Variants in LRRC4C observed in about 807,000 individuals in gnomAD.
LRRC4C encodes leucine-rich repeat-containing protein 4C.
A neutral mutation model predicts 33.6 loss-of-function variants in LRRC4C; 5 were observed. The observed-to-expected ratio is 0.15, with a 90% CI of 0.08 to 0.31. LRRC4C has a LOEUF of 0.31. LRRC4C is among the 10% of genes least tolerant of loss of function. The pLI, the probability that LRRC4C is intolerant of heterozygous loss-of-function variation, is 1.00. For synonymous variants in LRRC4C, 329 were observed against 302.0 expected (o/e 1.09, Z -0.93); for missense variants, 560 against 796.7 (o/e 0.70, Z 3.58).
intron 1 of LRRC4C, among the ~76,000 whole-genome samples, chr11:41,146,599 G>A (rs756792935): frequency 2.6e-5 from 4 of 152,122 alleles, no homozygotes; most frequent in African/African-American, 4.8e-5. Context: ...CATCTAATTA[G>A]GACCTGATCT....
At chr11:40,929,602 C>T (rs898342993) in intron 2 of LRRC4C, among the ~76,000 whole-genome samples, 1 of 152,036 alleles carries the variant, frequency 6.6e-6, no homozygotes, top group Non-Finnish European at 1.5e-5. Flanking sequence ...TTATTCAATT[C>T]TTTTTTATTT....
intron 2 of LRRC4C, among the ~76,000 whole-genome samples, chr11:40,802,280 C>T (rs536603032): frequency 6.6e-6 from 1 of 152,110 alleles, no homozygotes; most frequent in East Asian, 1.9e-4. Context: ...GGTTTCAGTG[C>T]TTTCAAGGAA....
chr11:40,629,425 A>G (rs1963262530), intron 3 of LRRC4C, among the ~76,000 whole-genome samples: 1 of 152,258 alleles, frequency 6.6e-6, no homozygotes, highest in Admixed American at 6.5e-5. Context: ...GGCTTTCTCA[A>G]TTCTAGGTAT....
chr11:40,266,845 A>T (rs1328364584), intron 4 of LRRC4C, among the ~76,000 whole-genome samples: 1 of 152,152 alleles, frequency 6.6e-6, no homozygotes, highest in African/African-American at 2.4e-5. Context: ...TGTCTCTAAT[A>T]TTCATGTTCG....
intron 2 of LRRC4C, among the ~76,000 whole-genome samples, chr11:40,708,731 G>C (rs920323769): frequency 6.6e-6 from 1 of 152,086 alleles, no homozygotes; most frequent in Admixed American, 6.6e-5. Context: ...GGTCTGCTTG[G>C]TGTAGAGCTG....
At chr11:40,612,394 T>C (rs528997696) in intron 3 of LRRC4C, among the ~76,000 whole-genome samples, 90 of 151,628 alleles carry the variant, frequency 5.9e-4, no homozygotes, top group Non-Finnish European at 1.1e-3. Flanking sequence ...GATAAAGAGG[T>C]AATGAGGAGG....
intron 3 of LRRC4C, among the ~76,000 whole-genome samples, chr11:40,577,302 C>T (rs962584212): frequency 2.0e-5 from 3 of 152,090 alleles, no homozygotes; most frequent in Admixed American, 6.5e-5. Flanking sequence ...CTACAAATAC[C>T]CTCTGCACTT....
At chr11:41,396,143 A>C in intron 1 of LRRC4C, among the ~76,000 whole-genome samples, 1 of 151,592 alleles carries the variant, frequency 6.6e-6, no homozygotes, top group African/African-American at 2.4e-5. Context: ...AAAAGATTGG[A>C]CCCCCCGTTG....
At chr11:40,820,155 T>C (rs1218745051) in intron 2 of LRRC4C, among the ~76,000 whole-genome samples, 11 of 151,906 alleles carry the variant, frequency 7.2e-5, no homozygotes, top group Admixed American at 7.2e-4. Flanking sequence ...GGGATCGAAA[T>C]AGAAAAATAG....
At chr11:40,787,516 C>T (rs1339620458) in intron 2 of LRRC4C, among the ~76,000 whole-genome samples, 1 of 152,166 alleles carries the variant, frequency 6.6e-6, no homozygotes, top group Non-Finnish European at 1.5e-5. Context: ...TAGTTTCCTC[C>T]TTTGAGAGCT....
At chr11:40,424,477 T>C (rs4755548) in intron 3 of LRRC4C, among the ~76,000 whole-genome samples, 1 of 152,030 alleles carries the variant, frequency 6.6e-6, no homozygotes, top group Non-Finnish European at 1.5e-5. Context: ...TCTTACAGAT[T>C]CCTTTACAGT....
intron 3 of LRRC4C, among the ~76,000 whole-genome samples, chr11:40,624,285 G>T (rs1962730090): frequency 6.6e-6 from 1 of 152,098 alleles, no homozygotes; most frequent in South Asian, 2.1e-4. Context: ...ACTTGGTTAT[G>T]AAGTTGCTTC....
At chr11:40,327,913 T>C (rs1384442769) in intron 3 of LRRC4C, among the ~76,000 whole-genome samples, 1 of 152,088 alleles carries the variant, frequency 6.6e-6, no homozygotes, top group African/African-American at 2.4e-5. Context: ...AAAAATTTCA[T>C]TTATGCTTCC....
At chr11:40,456,944 C>T (rs899685681) in intron 3 of LRRC4C, among the ~76,000 whole-genome samples, 1 of 151,544 alleles carries the variant, frequency 6.6e-6, no homozygotes, top group Non-Finnish European at 1.5e-5. Flanking sequence ...ACTTGAATGG[C>T]TTAAAATTCT....
rs1302853358 is a variant in LRRC4C at position 40,665,807 on chromosome 11, C to T, written c.-406-17529G>A. On this transcript the variant is annotated intron_variant, in intron 2 of 6. Coordinates refer to ENST00000528697, the MANE Select transcript of LRRC4C (RefSeq NM_001258419.2). ...TAATTTTTCAAAGTGCTAATAACTG[C>T]CCCTTATTAGATTAGCCAGTCAATT... Among the ~76,000 whole-genome samples the T allele has an allele frequency of 3.9e-5, 6 of 151,980 alleles. No individual in the cohort carries two copies. In the East Asian group the frequency reaches 1.2e-3, roughly 29 times the overall value.
At chr11:40,154,278 G>A (rs1374925469) in intron 5 of LRRC4C, among the ~76,000 whole-genome samples, 1 of 86,498 alleles carries the variant, frequency 1.2e-5, no homozygotes. Flanking sequence ...AAAAATACAA[G>A]CTAAAAAGCA....
At chr11:40,266,126 C>G (rs778215334) in intron 4 of LRRC4C, among the ~76,000 whole-genome samples, 8 of 151,942 alleles carry the variant, frequency 5.3e-5, no homozygotes, top group African/African-American at 1.2e-4. Flanking sequence ...GGCAAAACCA[C>G]ATCTCTACAA....
intron 3 of LRRC4C, among the ~76,000 whole-genome samples, chr11:40,404,677 C>A (rs962633521): frequency 6.6e-5 from 10 of 151,990 alleles, no homozygotes; most frequent in African/African-American, 2.4e-4. Context: ...ATCCTTCACT[C>A]CATAGCCAAG....
At chr11:41,057,390 T>C (rs1282809431) in intron 1 of LRRC4C, among the ~76,000 whole-genome samples, 1 of 152,120 alleles carries the variant, frequency 6.6e-6, no homozygotes, top group African/African-American at 2.4e-5. Flanking sequence ...GGCCTGCAGA[T>C]ACCTCTCGAC....
Sources: allele counts gnomAD v4.1 joint callset (sites outside exome capture counted in the v4.1 genomes callset), GRCh38; gene constraint gnomAD v4.1.1; transcripts MANE v1.5; gene names NCBI Gene and HGNC (gene_info 2026-07-23, HGNC 2026-07-21).